The following SHISA6 variants were observed in gnomAD, a reference collection of about 807,000 sequenced individuals.
The protein encoded by SHISA6 is protein shisa-6.
Under a neutral mutation model 47.9 loss-of-function variants are expected in SHISA6, and 22 were observed. The observed-to-expected ratio is 0.46, with a 90% CI of 0.33 to 0.66. The LOEUF (loss-of-function observed/expected upper bound fraction) is 0.66. SHISA6 is among the 30% of genes least tolerant of loss of function. SHISA6 has a pLI of 0.02. For missense variants in SHISA6, 680 were observed against 764.6 expected (o/e 0.89, Z 1.30); for synonymous variants, 388 against 337.8 (o/e 1.15, Z -1.63).
At chr17:11,446,935 A>AT (rs1233079674) in intron 3 of SHISA6, among the ~76,000 whole-genome samples, 14 of 152,216 alleles carry the variant, frequency 9.2e-5, no homozygotes, top group Non-Finnish European at 2.1e-4. Flanking sequence ...CAGTCTAATC[A>AT]TCCCAAGAAA....
chr17:11,305,546 G>C (rs916470120), intron 2 of SHISA6, among the ~76,000 whole-genome samples: 23 of 152,306 alleles, frequency 1.5e-4, no homozygotes, highest in African/African-American at 7.2e-5. Flanking sequence ...AAGCCCGCTT[G>C]GGATGACACA....
intron 2 of SHISA6, among the ~76,000 whole-genome samples, chr17:11,330,795 G>A (rs566160781): frequency 3.0e-4 from 30 of 101,348 alleles, no homozygotes; most frequent in African/African-American, 1.2e-3. Flanking sequence ...ATAGTCAGAT[G>A]AATAAAATTA....
Position 11,294,500 on chromosome 17 carries a change from G to A in SHISA6, c.799+30974G>A, listed in dbSNP as rs540963929. 1.7e-3 allele frequency among the ~76,000 whole-genome samples: 263 copies of A among 152,316 alleles called. 1 individual carries two copies. Among genetic ancestry groups the A allele is most frequent in the Admixed American group, 2.7e-3 (41 of 15,304 alleles). ...GTGGCATGAGCAGGTTGCTCCCCGC[G>A]TGCGAGGCTGCTCCTTTTTGCTGAT... On this transcript the variant is annotated intron_variant, in intron 2 of 5. Coordinates refer to ENST00000441885, the MANE Select transcript of SHISA6 (RefSeq NM_207386.4).
chr17:11,283,392 C>T (rs1382948800), intron 2 of SHISA6, among the ~76,000 whole-genome samples: 3 of 152,194 alleles, frequency 2.0e-5, no homozygotes, highest in African/African-American at 7.2e-5. Flanking sequence ...AAAACCAAAA[C>T]TTCAACTCAA....
At chr17:11,494,497 A>T (rs1367063778) in intron 3 of SHISA6, among the ~76,000 whole-genome samples, 1 of 152,240 alleles carries the variant, frequency 6.6e-6, no homozygotes, top group African/African-American at 2.4e-5. Flanking sequence ...TCCAGTGAAC[A>T]GGGAGCCTCA....
At chr17:11,264,954 G>C (rs1219779882) in intron 2 of SHISA6, among the ~76,000 whole-genome samples, 1 of 152,162 alleles carries the variant, frequency 6.6e-6, no homozygotes, top group South Asian at 2.1e-4. Flanking sequence ...TTCATCCAAA[G>C]TTAAAAACCT....
At chr17:11,422,703 C>G (rs908747145) in intron 3 of SHISA6, among the ~76,000 whole-genome samples, 1 of 150,446 alleles carries the variant, frequency 6.6e-6, no homozygotes, top group Admixed American at 6.7e-5. Flanking sequence ...GCAAAAGTTG[C>G]AGTGATCCAA....
intron 2 of SHISA6, among the ~76,000 whole-genome samples, chr17:11,341,346 T>C (rs1439430209): frequency 4.1e-5 from 6 of 147,046 alleles, no homozygotes; most frequent in African/African-American, 1.5e-4. Flanking sequence ...TTTTTTTTTT[T>C]TTTTTTGAGA....
At chr17:11,329,200 C>T (rs1911015943) in intron 2 of SHISA6, among the ~76,000 whole-genome samples, 1 of 152,152 alleles carries the variant, frequency 6.6e-6, no homozygotes, top group Non-Finnish European at 1.5e-5. Context: ...GGTGTAGCCT[C>T]TTCCAGTTTC....
At chr17:11,501,198 C>T (rs185735602) in intron 3 of SHISA6, among the ~76,000 whole-genome samples, 127 of 151,908 alleles carry the variant, frequency 8.4e-4, no homozygotes, top group African/African-American at 2.8e-3. Context: ...CTGCAACCTC[C>T]GCCTCCCAGG....
At chr17:11,425,949 G>A (rs923270276) in intron 3 of SHISA6, among the ~76,000 whole-genome samples, 1 of 152,148 alleles carries the variant, frequency 6.6e-6, no homozygotes, top group African/African-American at 2.4e-5. Context: ...TTGTAGACAG[G>A]GGAGAGCTAT....
chr17:11,478,952 G>C (rs1278564324), intron 3 of SHISA6, among the ~76,000 whole-genome samples: 1 of 152,000 alleles, frequency 6.6e-6, no homozygotes, highest in Non-Finnish European at 1.5e-5. Flanking sequence ...TCCCAATTCT[G>C]TGAAGAAAGT....
chr17:11,320,723 C>A (rs7502186), intron 2 of SHISA6, among the ~76,000 whole-genome samples: 1 of 151,666 alleles, frequency 6.6e-6, no homozygotes, highest in Non-Finnish European at 1.5e-5. Context: ...CAGCAGCAGC[C>A]GGAGCAAAAC....
At chr17:11,268,955 G>A (rs1010913198) in intron 2 of SHISA6, among the ~76,000 whole-genome samples, 4 of 152,050 alleles carry the variant, frequency 2.6e-5, no homozygotes, top group African/African-American at 7.2e-5. Context: ...TATGGTGTCC[G>A]TCACTTGCAT....
chr17:11,432,746 C>T (rs532918313), intron 3 of SHISA6, among the ~76,000 whole-genome samples: 34 of 151,978 alleles, frequency 2.2e-4, no homozygotes, highest in African/African-American at 8.0e-4. Context: ...CTACAACAGA[C>T]ACAAAGCTTG....
intron 3 of SHISA6, among the ~76,000 whole-genome samples, chr17:11,531,459 T>C (rs1166914446): frequency 6.6e-6 from 1 of 152,064 alleles, no homozygotes; most frequent in African/African-American, 2.4e-5. Flanking sequence ...TTAGTGAGGG[T>C]TAGGATGGCA....
intron 2 of SHISA6, among the ~76,000 whole-genome samples, chr17:11,369,410 G>A (rs1912553066): frequency 2.0e-5 from 3 of 152,290 alleles, no homozygotes; most frequent in South Asian, 4.1e-4. Context: ...TATCTAAGAC[G>A]GTGGCAGTTT....
chr17:11,374,556 T>C (rs528278881), intron 2 of SHISA6, among the ~76,000 whole-genome samples: 16 of 152,212 alleles, frequency 1.1e-4, no homozygotes, highest in African/African-American at 3.6e-4. Context: ...GTTTGTATAT[T>C]TTTCCCCTAT....
At chr17:11,526,447 C>T (rs2071682347) in intron 3 of SHISA6, among the ~76,000 whole-genome samples, 1 of 152,176 alleles carries the variant, frequency 6.6e-6, no homozygotes, top group African/African-American at 2.4e-5. Context: ...TCTACCTGCT[C>T]CACACGTGTA....
Sources: gnomAD v4.1 joint callset for allele counts (sites outside exome capture counted in the v4.1 genomes callset) on GRCh38, gnomAD v4.1.1 for gene constraint, MANE v1.5 for transcripts, NCBI Gene and HGNC (gene_info 2026-07-23, HGNC 2026-07-21) for gene names.